Variants in SLC4A4 observed in about 807,000 individuals in gnomAD.
SLC4A4 encodes solute carrier family 4 member 4, also known as electrogenic sodium bicarbonate cotransporter 1.
Under a neutral mutation model 111.5 loss-of-function variants are expected in SLC4A4, and 27 were observed. That is an observed-to-expected ratio of 0.24 (90% CI 0.18 to 0.33). The LOEUF (loss-of-function observed/expected upper bound fraction) is 0.33. SLC4A4 is among the 10% of genes least tolerant of loss of function. The probability of loss-of-function intolerance (pLI) is 1.00; values close to 1 mark genes in which losing one functional copy is unlikely to be tolerated. For synonymous variants in SLC4A4, 443 were observed against 463.4 expected (o/e 0.96, Z 0.57); for missense variants, 909 against 1,315.5 (o/e 0.69, Z 4.78).
At chr4:71,149,017 A>G (rs1158627226) in intron 2 of SLC4A4, among the ~76,000 whole-genome samples, 2 of 152,184 alleles carry the variant, frequency 1.3e-5, no homozygotes, top group Non-Finnish European at 2.9e-5. Flanking sequence ...AACAGTGTAT[A>G]AGCATTCCTT....
At chr4:71,103,278 T>A (rs1186230338) in intron 2 of SLC4A4, among the ~76,000 whole-genome samples, 2 of 152,000 alleles carry the variant, frequency 1.3e-5, no homozygotes, top group African/African-American at 2.4e-5. Flanking sequence ...AAGCAAGTCC[T>A]GAGTGACCTA....
chr4:71,349,992 GTTTA>G lies in SLC4A4; in HGVS notation c.474_477del (p.Phe159SerfsTer2). ...CATGTGGCCACATTGTCCCTTCATA[GTTTA>G]TTTGAGCTGAGGACATGTATGGAGA... On this transcript the variant is annotated frameshift_variant, in exon 5 of 26. Transcript: ENST00000264485. LOFTEE classifies it high-confidence loss of function. The G allele has an allele frequency of 6.2e-7, 1 of 1,614,100 alleles. No individual in the cohort carries two copies. The highest frequency in any genetic ancestry group is 1.1e-5 in the South Asian group (1 of 91,070).
intron 2 of SLC4A4, among the ~76,000 whole-genome samples, chr4:71,241,972 T>A (rs7667873): frequency 6.6e-6 from 1 of 152,166 alleles, no homozygotes; most frequent in African/African-American, 2.4e-5. Context: ...CTGCCTGACA[T>A]CTCTTGCTGT....
intron 1 of SLC4A4, 165 bp from the exon 2 acceptor site, chr4:71,236,411 T>A (rs781658925): frequency 1.3e-6 from 1 of 760,692 alleles, no homozygotes; most frequent in Non-Finnish European, 2.1e-6. Context: ...GAGCACCAGA[T>A]GAGAGGAGCT....
chr4:71,381,426 G>A (rs1718131993), intron 6 of SLC4A4, among the ~76,000 whole-genome samples: 2 of 152,096 alleles, frequency 1.3e-5, no homozygotes, highest in Non-Finnish European at 2.9e-5. Context: ...AGTGGCTCAG[G>A]TTATATTTGT....
chr4:71,161,018 G>A (rs901517820), intron 2 of SLC4A4, among the ~76,000 whole-genome samples: 3 of 152,144 alleles, frequency 2.0e-5, no homozygotes, highest in African/African-American at 7.2e-5. Context: ...TATTTTCACA[G>A]TACTGATTAG....
chr4:71,280,882 C>T (rs1036265972), intron 3 of SLC4A4, among the ~76,000 whole-genome samples: 6 of 152,070 alleles, frequency 3.9e-5, no homozygotes, highest in Non-Finnish European at 8.8e-5. Context: ...ATTTATTTTT[C>T]ACCTAAATAT....
chr4:71,097,118 C>A (rs997827981), intron 2 of SLC4A4, among the ~76,000 whole-genome samples: 10 of 152,256 alleles, frequency 6.6e-5, no homozygotes, highest in South Asian at 4.1e-4. Flanking sequence ...TATTTCATCA[C>A]CCAGGTACGA....
intron 11 of SLC4A4, among the ~76,000 whole-genome samples, chr4:71,452,527 T>C (rs1445529261): frequency 6.6e-6 from 1 of 152,162 alleles, no homozygotes; most frequent in East Asian, 1.9e-4. Flanking sequence ...TGCAGACAGA[T>C]AGATGGACGA....
rs569941911 is a variant in SLC4A4 at position 71,280,062 on chromosome 4, G to A, written c.253+24663G>A. Among the ~76,000 whole-genome samples, 48 of 152,302 alleles carry A rather than the reference G, an allele frequency of 3.2e-4. No individual in the cohort carries two copies. The East Asian group carries it at 9.3e-3, about 29-fold the overall frequency. On this transcript the variant is annotated intron_variant, in intron 3 of 25. Coordinates refer to ENST00000264485, the MANE Select transcript of SLC4A4 (RefSeq NM_001098484.3). ...GCCCACCTTGGCCTCCCAAAGTGCT[G>A]GGATCACAGGTGTGAGCCACCCTGC...
intron 3 of SLC4A4, chr4:71,338,994 A>G (rs975170202): frequency 1.5e-6 from 2 of 1,316,726 alleles, no homozygotes; most frequent in Non-Finnish European, 2.0e-6. Flanking sequence ...GCTGTATGAA[A>G]AAGTGACTGG....
At chr4:71,089,488 T>C (rs1742310686) in intron 1 of SLC4A4, among the ~76,000 whole-genome samples, 1 of 152,096 alleles carries the variant, frequency 6.6e-6, no homozygotes, top group Admixed American at 6.5e-5. Flanking sequence ...TTTTAGAGTT[T>C]CCAGTTTTTC....
intron 7 of SLC4A4, among the ~76,000 whole-genome samples, chr4:71,419,102 A>G (rs573921152): frequency 2.6e-4 from 39 of 152,220 alleles, no homozygotes; most frequent in East Asian, 1.9e-3. Context: ...GTCTGCCCCT[A>G]CTGGGGGGTG....
At chr4:71,080,965 C>A (rs991093617) in intron 1 of SLC4A4, among the ~76,000 whole-genome samples, 5 of 152,126 alleles carry the variant, frequency 3.3e-5, no homozygotes, top group African/African-American at 1.2e-4. Flanking sequence ...TCTTCCTCCA[C>A]ATATCCCCCT....
intron 7 of SLC4A4, among the ~76,000 whole-genome samples, chr4:71,419,945 A>G (rs1175194239): frequency 6.6e-6 from 1 of 152,194 alleles, no homozygotes; most frequent in African/African-American, 2.4e-5. Flanking sequence ...TCCTCCTCCA[A>G]AGGAAAGCAG....
intron 3 of SLC4A4, among the ~76,000 whole-genome samples, chr4:71,259,411 C>T (rs1424106410): frequency 6.6e-6 from 1 of 152,020 alleles, no homozygotes; most frequent in Non-Finnish European, 1.5e-5. Context: ...CTGCTATTCC[C>T]AGTGTGGCGT....
chr4:71,571,012 C>G lies in SLC4A4; in HGVS notation c.*3261C>G, dbSNP rs1484143493. 1 of 152,174 alleles carries G rather than the reference C, an allele frequency of 6.6e-6. No individual in the cohort carries two copies. The highest frequency in any genetic ancestry group is 1.5e-5 in the Non-Finnish European group (1 of 67,834). The allele number at this position is 152,174 out of a possible 1,614,324, so 9.4% of individuals were successfully genotyped here. On this transcript the variant is annotated 3_prime_UTR_variant, in exon 26 of 26. Transcript: ENST00000264485. The stretch of plus-strand genomic sequence containing the variant: ...CCAAGAGAGGAGGAAAAACAGTTGT[C>G]TGCTGTCTGTAATTCAGTTTGCGTG...
At chr4:71,563,739 G>A (rs1000912087) in intron 23 of SLC4A4, 54 bp from the exon 24 acceptor site, 1 of 1,080,676 alleles carries the variant, frequency 9.3e-7, no homozygotes. Context: ...CTAGGAGATA[G>A]GAAGGGCTGT....
chr4:71,399,631 C>T (rs1579011799), intron 7 of SLC4A4, among the ~76,000 whole-genome samples: 1 of 151,930 alleles, frequency 6.6e-6, no homozygotes, highest in East Asian at 1.9e-4. Context: ...TAGTTGCCCT[C>T]ATTTTTCTAC....
Sources: allele counts gnomAD v4.1 joint callset (sites outside exome capture counted in the v4.1 genomes callset), GRCh38; gene constraint gnomAD v4.1.1; transcripts MANE v1.5; gene names NCBI Gene and HGNC (gene_info 2026-07-23, HGNC 2026-07-21).